The following CSMD1 variants were observed in gnomAD, a reference collection of about 807,000 sequenced individuals.
The protein encoded by CSMD1 is CUB and sushi domain-containing protein 1.
In CSMD1, 213 loss-of-function variants were observed where a neutral mutation model predicts 417.5. The observed-to-expected ratio is 0.51, with a 90% CI of 0.46 to 0.57. CSMD1 has a LOEUF of 0.57. Among genes scored for constraint, CSMD1 ranks in the 20% least tolerant of loss-of-function variants. The pLI is 0.00. For missense variants in CSMD1, 6,923 were observed against 4,529.7 expected (o/e 1.53, Z -15.17); for synonymous variants, 2,862 against 1,736.8 (o/e 1.65, Z -16.11).
At chr8:4,975,023 T>C (rs1165917349) in intron 1 of CSMD1, among the ~76,000 whole-genome samples, 1 of 152,168 alleles carries the variant, frequency 6.6e-6, no homozygotes, top group Non-Finnish European at 1.5e-5. Flanking sequence ...AGAGCTCTAC[T>C]AGAAGGCATT....
At chr8:3,243,813 AATATT>A (rs1585772118) in intron 26 of CSMD1, among the ~76,000 whole-genome samples, 3 of 151,094 alleles carry the variant, frequency 2.0e-5, no homozygotes, top group African/African-American at 7.3e-5. Flanking sequence ...TTATATGATG[AATATT>A]ATATTTATAT....
intron 3 of CSMD1, among the ~76,000 whole-genome samples, chr8:4,033,992 A>G (rs1457597689): frequency 1.3e-5 from 2 of 152,240 alleles, no homozygotes; most frequent in East Asian, 3.9e-4. Context: ...ACTTACTAGT[A>G]GAGAAATACA....
intron 1 of CSMD1, among the ~76,000 whole-genome samples, chr8:4,859,386 C>G (rs1190333214): frequency 1.2e-4 from 18 of 152,114 alleles, no homozygotes; most frequent in Admixed American, 1.2e-3. Context: ...ACACAAAAAG[C>G]AATAGCAACA....
chr8:3,885,170 G>C (rs762434645), intron 5 of CSMD1, among the ~76,000 whole-genome samples: 2 of 152,002 alleles, frequency 1.3e-5, no homozygotes, highest in African/African-American at 4.8e-5. Flanking sequence ...TCAGCGTTGA[G>C]TTTATTAAGA....
intron 5 of CSMD1, among the ~76,000 whole-genome samples, chr8:3,759,737 T>C (rs896634179): frequency 1.2e-4 from 10 of 85,072 alleles, no homozygotes; most frequent in African/African-American, 5.4e-4. Flanking sequence ...CTACTAAAAA[T>C]ACCAAAAAAA....
At chr8:3,205,684 A>AAAGCT (rs1797212473) in intron 30 of CSMD1, 64 bp from the exon 31 acceptor site, 2 of 721,136 alleles carry the variant, frequency 2.8e-6, no homozygotes, top group South Asian at 3.6e-5. Context: ...TAGGTGAGCC[A>AAAGCT]AAGCTGAAAC....
intron 15 of CSMD1, among the ~76,000 whole-genome samples, chr8:3,403,269 G>T (rs192473808): frequency 2.6e-5 from 4 of 152,148 alleles, no homozygotes; most frequent in East Asian, 1.9e-4. Flanking sequence ...AATCAAGTTT[G>T]TTATCTGTAT....
chr8:3,880,787 T>A (rs1419116726), intron 5 of CSMD1, among the ~76,000 whole-genome samples: 1 of 152,218 alleles, frequency 6.6e-6, no homozygotes, highest in Non-Finnish European at 1.5e-5. Flanking sequence ...AACAATGTAT[T>A]TTCTTTTAGA....
At chr8:3,688,918 T>TA (rs1182177355) in intron 7 of CSMD1, among the ~76,000 whole-genome samples, 7 of 152,042 alleles carry the variant, frequency 4.6e-5, no homozygotes, top group Admixed American at 1.3e-4. Context: ...CTTAAAAAGT[T>TA]AAAAAAAGTG....
chr8:3,282,347 C>G (rs1286254187), intron 26 of CSMD1, among the ~76,000 whole-genome samples: 1 of 152,054 alleles, frequency 6.6e-6, no homozygotes, highest in Non-Finnish European at 1.5e-5. Flanking sequence ...CTCAATCTTA[C>G]TGCCAGTGCA....
intron 3 of CSMD1, among the ~76,000 whole-genome samples, chr8:4,105,145 G>A (rs935856070): frequency 5.9e-5 from 9 of 152,054 alleles, no homozygotes; most frequent in African/African-American, 1.9e-4. Flanking sequence ...CACTAATAAC[G>A]TACAACTGAA....
intron 5 of CSMD1, among the ~76,000 whole-genome samples, chr8:3,964,162 T>G (rs923586784): frequency 6.6e-6 from 1 of 152,216 alleles, no homozygotes; most frequent in African/African-American, 2.4e-5. Flanking sequence ...AAGACCAATT[T>G]TCATCTTAAC....
At chr8:2,961,441 T>C (rs1803475070) in intron 61 of CSMD1, among the ~76,000 whole-genome samples, 3 of 152,178 alleles carry the variant, frequency 2.0e-5, no homozygotes, top group Admixed American at 2.0e-4. Flanking sequence ...TATGTTCTTC[T>C]TATATAAGAA....
intron 4 of CSMD1, among the ~76,000 whole-genome samples, chr8:4,029,084 T>C (rs193096663): frequency 1.3e-5 from 2 of 152,252 alleles, no homozygotes; most frequent in East Asian, 3.9e-4. Context: ...GTTCTTAAAA[T>C]ATACACATTA....
At chr8:3,794,293 C>G (rs1337449383) in intron 5 of CSMD1, among the ~76,000 whole-genome samples, 2 of 152,064 alleles carry the variant, frequency 1.3e-5, no homozygotes. Flanking sequence ...CTAGGTGTAG[C>G]GACTTCAAAC....
chr8:4,170,237 T>C (rs1225662377), intron 3 of CSMD1, among the ~76,000 whole-genome samples: 1 of 151,842 alleles, frequency 6.6e-6, no homozygotes, highest in Admixed American at 6.5e-5. Flanking sequence ...TCTTTCCCCA[T>C]CTCTCTTTCT....
At chr8:3,315,761 A>G (rs1257928892) in intron 23 of CSMD1, among the ~76,000 whole-genome samples, 1 of 152,248 alleles carries the variant, frequency 6.6e-6, no homozygotes, top group Non-Finnish European at 1.5e-5. Context: ...AAAATCAGAT[A>G]GCCAAATTAT....
At position 3,110,206 on chromosome 8, in the gene CSMD1, T is replaced by C. The variant is rs771688364; in HGVS notation, c.6560A>G (p.Asn2187Ser). ...AGCTTCCGTCTGTAACAGGGTGAAG[T>C]TGATGTAAACTCCGTGCCCTGGAGG... ...TVPPGHGVYI[N>S]FTLLQTEAVN... Residue 2187 changes from asparagine (N) to serine (S), a missense_variant, in exon 43 of 70, where the codon AAC (asparagine) becomes AGC (serine). Transcript: ENST00000635120. 5 of 1,612,988 alleles carry C rather than the reference T, an allele frequency of 3.1e-6. No individual in the cohort carries two copies. The highest frequency in any genetic ancestry group is 4.2e-6 in the Non-Finnish European group (5 of 1,179,542).
chr8:4,126,318 T>C (rs147081496), intron 3 of CSMD1, among the ~76,000 whole-genome samples: 12 of 152,326 alleles, frequency 7.9e-5, no homozygotes, highest in African/African-American at 2.9e-4. Context: ...ATTGGCTCTG[T>C]CTGGGCAGGG....
Sources: gnomAD v4.1 joint callset for allele counts (sites outside exome capture counted in the v4.1 genomes callset) on GRCh38, gnomAD v4.1.1 for gene constraint, MANE v1.5 for transcripts, NCBI Gene and HGNC (gene_info 2026-07-23, HGNC 2026-07-21) for gene names.